The following PLIN1 variants were observed in gnomAD, a reference collection of about 807,000 sequenced individuals.
PLIN1 encodes the protein perilipin 1, also known as perilipin-1.
A neutral mutation model predicts 45.8 loss-of-function variants in PLIN1; 37 were observed. That is an observed-to-expected ratio of 0.81 (90% CI 0.62 to 1.06). The LOEUF is 1.06. Among genes scored for constraint, PLIN1 ranks in the 50% least tolerant of loss-of-function variants. PLIN1 has a pLI of 0.00. For synonymous variants in PLIN1, 340 were observed against 309.2 expected (o/e 1.10, Z -1.05); for missense variants, 776 against 716.5 (o/e 1.08, Z -0.95).
chr15:89,667,457 G>C, intron 7 of PLIN1, 145 bp downstream of exon 7: 1 of 1,283,112 alleles, frequency 7.8e-7, no homozygotes, highest in Admixed American at 1.7e-5. Flanking sequence ...CTCGCCAGCT[G>C]GGCATTTGGG....
rs761900875 is a variant in PLIN1, at chr15:89,667,612, T to C, written c.953A>G (p.Lys318Arg). Residue 318 changes from lysine (K) to arginine (R), a missense_variant, in exon 7 of 9, where the codon AAG becomes AGG. Physicochemically the swap from Lys to Arg is conservative, Grantham distance 26. Transcript: ENST00000300055. ...EEEELETEEN[K>R]FSEVAALPGP... ...CACTCTCCCCCTCACCTCACTGAAC[T>C]TGTTCTCCTCAGTCTCCAATTCTTC... is the stretch of plus-strand genomic sequence containing the variant. The C allele has an allele frequency of 1.2e-6, 2 of 1,614,100 alleles. No homozygotes were observed. Among genetic ancestry groups the C allele is most frequent in the South Asian group, 2.2e-5 (2 of 91,076 alleles).
chr15:89,668,988 G>A (rs1194471422), intron 6 of PLIN1, among the ~76,000 whole-genome samples: 1 of 152,172 alleles, frequency 6.6e-6, no homozygotes, highest in Non-Finnish European at 1.5e-5. Flanking sequence ...GTGGGGAGTG[G>A]TGGGGAGTGG....
At position 89,673,220 on chromosome 15, in the gene PLIN1, C is replaced by G. The variant is rs1163068626; in HGVS notation, c.240G>C (p.Leu80=). 2.6e-6 allele frequency: 4 copies of G among 1,565,092 alleles called. No individual in the cohort carries two copies. In the East Asian group the frequency reaches 7.1e-5, roughly 28 times the overall value. ...GCCGCAAGGACTCACACTGGGTGGA[C>G]AGCCTGCGGACCACCGGCTCCATGC... The part of the protein sequence containing the change: ...AWSMEPVVRR[L]STQFTAANEL... The change falls in exon 3 of 9, where the codon CTG becomes CTC. Residue 80 remains leucine (L), a synonymous_variant. Coordinates refer to ENST00000300055, the MANE Select transcript of PLIN1 (RefSeq NM_002666.5).
At chr15:89,667,300 T>G in intron 7 of PLIN1, 119 bp from the exon 8 acceptor site, 1 of 1,356,334 alleles carries the variant, frequency 7.4e-7, no homozygotes, top group South Asian at 1.3e-5. Flanking sequence ...ACTTCAGGCC[T>G]ATTCTGCCAC....
rs111807868 is a variant in PLIN1, at chr15:89,669,499, C to T, written c.771+1G>A. 104 of 1,610,834 alleles carry T rather than the reference C, an allele frequency of 6.5e-5. No individual in the cohort carries two copies. The highest frequency in any genetic ancestry group is 8.4e-5 in the Non-Finnish European group (99 of 1,179,740). On this transcript the variant is annotated splice_donor_variant, in intron 6 of 8. Coordinates refer to ENST00000300055, the MANE Select transcript of PLIN1 (RefSeq NM_002666.5). LOFTEE classifies it high-confidence loss of function. The stretch of plus-strand genomic sequence containing the variant: ...AGTCAGAGCTCACGGCAGATACTTA[C>T]CAGGGGCACCACGCCTGGGATCCAC...
chr15:89,665,783 G>A lies in PLIN1; in HGVS notation c.1369C>T (p.Arg457Cys). The A allele has an allele frequency of 2.4e-6, 3 of 1,269,316 alleles. No individual in the cohort carries two copies. Among genetic ancestry groups the A allele is most frequent in the Non-Finnish European group, 2.0e-6 (2 of 1,011,878 alleles). 78.6% of individuals were successfully genotyped at this position (1,269,316 alleles called of 1,614,324 possible). ...PRLAQPRRSL[R>C]SAQSPGAPPG... ...GGCGCGCCGGGGCTCTGCGCGCTGC[G>A]CAGGCTGCGGCGGGGCTGTGCGAGA... The change falls in exon 9 of 9, where the codon CGC (arginine) becomes TGC (cysteine). Residue 457 changes from arginine to cysteine, a missense_variant. Physicochemically the swap from Arg to Cys is radical, Grantham distance 180. Transcript: ENST00000300055.
chr15:89,667,254 C>T lies in PLIN1; in HGVS notation c.964-73G>A, dbSNP rs1964363038. ...CCTTCCCTCCCCACCAGCCCCAGGGCTAGAGGGGAAAGCATGAGAATACCA... is the reference window on the plus strand; with the variant it reads ...CCTTCCCTCCCCACCAGCCCCAGGGTTAGAGGGGAAAGCATGAGAATACCA... On this transcript the variant is annotated intron_variant, in intron 7 of 8. Coordinates refer to ENST00000300055, the MANE Select transcript of PLIN1 (RefSeq NM_002666.5). 1.9e-6 allele frequency: 3 copies of T among 1,590,156 alleles called. No homozygotes were observed. In the South Asian group the frequency reaches 3.3e-5, roughly 18 times the overall value.
chr15:89,676,448 T>C (rs8179054), intron 2 of PLIN1, among the ~76,000 whole-genome samples: 9,770 of 152,158 alleles, frequency 0.064, 414 homozygotes, highest in East Asian at 0.14. Flanking sequence ...GGGGTTTCAC[T>C]GTGTTAGCCA....
chr15:89,666,836 G>A lies in PLIN1; in HGVS notation c.1209+100C>T, dbSNP rs1964348207. On this transcript the variant is annotated intron_variant, in intron 8 of 8. Coordinates refer to ENST00000300055, the MANE Select transcript of PLIN1 (RefSeq NM_002666.5). ...TGGGGGGCGGTCTCCAGAGGAGTAG[G>A]GGAAAGGAGGGGGACTGCAGCCCCT... 34 of 1,382,320 alleles carry A rather than the reference G, an allele frequency of 2.5e-5. 1 individual carries two copies. The South Asian group carries it at 3.8e-4, about 16-fold the overall frequency. The allele number at this position is 1,382,320 out of a possible 1,614,324, so 85.6% of individuals were successfully genotyped here. A position where few individuals can be genotyped will look rare whatever the true frequency, so the allele number is the denominator to read the frequency against.
rs572633629 is a variant in PLIN1, at chr15:89,665,836, G to T, written c.1316C>A (p.Pro439Gln). The change falls in exon 9 of 9, where the codon CCG becomes CAG. Residue 439 changes from proline (P) to glutamine (Q), a missense_variant. Physicochemically the swap from Pro to Gln is moderately conservative, Grantham distance 76. Coordinates refer to ENST00000300055, the MANE Select transcript of PLIN1 (RefSeq NM_002666.5). ...REAERRASGAPSAGPEPAPRL... is the reference protein window; with the variant it reads ...REAERRASGAQSAGPEPAPRL... The stretch of plus-strand genomic sequence containing the variant: ...CGGGGCGGGCTCCGGGCCGGCGGAC[G>T]GCGCCCCAGACGCTCTGCGCTCCGC... 1 of 1,430,114 alleles carries T rather than the reference G, an allele frequency of 7.0e-7. No homozygotes were observed. The highest frequency in any genetic ancestry group is 3.0e-5 in the East Asian group (1 of 33,352). The allele number at this position is 1,430,114 out of a possible 1,614,324, so 88.6% of individuals were successfully genotyped here. A position where few individuals can be genotyped will look rare whatever the true frequency, so the allele number is the denominator to read the frequency against.
intron 2 of PLIN1, among the ~76,000 whole-genome samples, chr15:89,673,938 T>C (rs1264627742): frequency 6.6e-6 from 1 of 151,900 alleles, no homozygotes; most frequent in Non-Finnish European, 1.5e-5. Context: ...TGACCAGCAC[T>C]CCCCCTGTGA....
rs761563691 is a variant in PLIN1, at chr15:89,667,752, C to T, written c.813G>A (p.Ala271=). The part of the protein sequence containing the change: ...AQWGASVAMQ[A]VSRRRSEVRV... ...GCACTTCGCTCCTCCGCCGGGACAC[C>T]GCCTGCATGGCCACTGAGGCACCCC... Residue 271 remains alanine (A), a synonymous_variant, in exon 7 of 9, where the codon GCG becomes GCA. Transcript: ENST00000300055. 20 of 1,564,540 alleles carry T rather than the reference C, an allele frequency of 1.3e-5. No individual in the cohort carries two copies. The highest frequency in any genetic ancestry group is 3.3e-4 in the Middle Eastern group (2 of 6,020).
At position 89,665,329 on chromosome 15, in the gene PLIN1, G is replaced by C. The variant is rs1406724933; in HGVS notation, c.*254C>G. On this transcript the variant is annotated 3_prime_UTR_variant, in exon 9 of 9. Coordinates refer to ENST00000300055, the MANE Select transcript of PLIN1 (RefSeq NM_002666.5). Reference sequence around the variant, plus strand: ...CAATTACTCTTATAGTAACAACCAAGCCATAGAATCAGAGCAGGCTGCGGC... The same window carrying C: ...CAATTACTCTTATAGTAACAACCAACCCATAGAATCAGAGCAGGCTGCGGC... The C allele has an allele frequency of 3.0e-6, 1 of 337,204 alleles. No individual in the cohort carries two copies. Among genetic ancestry groups the C allele is most frequent in the African/African-American group, 2.1e-5 (1 of 47,096 alleles). 20.9% of individuals were successfully genotyped at this position (337,204 alleles called of 1,614,324 possible).
intron 2 of PLIN1, 60 bp downstream of exon 2, chr15:89,677,385 T>G: frequency 7.4e-7 from 1 of 1,354,142 alleles, no homozygotes; most frequent in Non-Finnish European, 1.1e-6. Flanking sequence ...CTCCCCTCCC[T>G]GCTTCTTCCT....
intron 6 of PLIN1, 46 bp downstream of exon 6, chr15:89,669,454 G>A (rs577845268): frequency 1.3e-6 from 2 of 1,552,310 alleles, no homozygotes; most frequent in Admixed American, 3.3e-5. Flanking sequence ...GAGGCCCACA[G>A]GGCTCCCAGG....
chr15:89,669,436 G>A, intron 6 of PLIN1, 64 bp downstream of exon 6: 3 of 1,318,102 alleles, frequency 2.3e-6, no homozygotes, highest in Admixed American at 1.7e-5. Context: ...GGGGATGGGA[G>A]GGACTAGGAG....
chr15:89,671,554 G>A lies in PLIN1; in HGVS notation c.261C>T (p.Ala87=). ...VRRLSTQFTA[A]NELACRGLDH... ...CCAAGCCTCGGCAGGCCAGCTCATT[G>A]GCAGCTGTGACTGGAAGGAAAGGGC... Residue 87 remains alanine (A), a synonymous_variant, in exon 4 of 9, where the codon GCC becomes GCT. Transcript: ENST00000300055. 1 of 1,565,680 alleles carries A rather than the reference G, an allele frequency of 6.4e-7. No homozygotes were observed. Among genetic ancestry groups the A allele is most frequent in the Middle Eastern group, 1.7e-4 (1 of 6,012 alleles).
chr15:89,675,164 C>T (rs920988978), intron 2 of PLIN1, among the ~76,000 whole-genome samples: 1 of 152,000 alleles, frequency 6.6e-6, no homozygotes, highest in African/African-American at 2.4e-5. Context: ...ACTCTGGGTG[C>T]GATCTGCACG....
Position 89,669,549 on chromosome 15 carries a change from A to AGGGCCC in PLIN1, c.716_721dup (p.Arg239_Ala240dup). Reference sequence around the variant, plus strand: ...CATGGCCACGGTGTGGCCCTGCTCCAGGGCCCGGGCCATGGTCTGCACGGT... The same window carrying AGGGCCC: ...CATGGCCACGGTGTGGCCCTGCTCCAGGGCCCGGGCCCGGGCCATGGTCTGCACGGT... On this transcript the variant is annotated inframe_insertion, in exon 6 of 9. Transcript: ENST00000300055. The AGGGCCC allele has an allele frequency of 1.9e-6, 3 of 1,613,718 alleles. No individual in the cohort carries two copies. The highest frequency in any genetic ancestry group is 8.5e-7 in the Non-Finnish European group (1 of 1,179,932).
Sources: gnomAD v4.1 joint callset for allele counts (sites outside exome capture counted in the v4.1 genomes callset) on GRCh38, gnomAD v4.1.1 for gene constraint, MANE v1.5 for transcripts, NCBI Gene and HGNC (gene_info 2026-07-23, HGNC 2026-07-21) for gene names.